The following TMBIM4 variants were observed in gnomAD, a reference collection of about 807,000 sequenced individuals.
The protein encoded by TMBIM4 is protein lifeguard 4.
A neutral mutation model predicts 27.7 loss-of-function variants in TMBIM4; 28 were observed. The ratio of observed to expected loss-of-function variants is 1.01; its 90% CI spans 0.75 to 1.38. TMBIM4 has a LOEUF of 1.38. TMBIM4 is among the 40% of genes most tolerant of loss of function. The probability of loss-of-function intolerance (pLI) is 0.00; values close to 1 mark genes in which losing one functional copy is unlikely to be tolerated. For synonymous variants in TMBIM4, 115 were observed against 113.1 expected (o/e 1.02, Z -0.11); for missense variants, 265 against 277.5 (o/e 0.95, Z 0.32).
intron 1 of TMBIM4, chr12:66,160,242 G>C: frequency 1.4e-6 from 1 of 703,258 alleles, no homozygotes; most frequent in Non-Finnish European, 2.6e-6. Context: ...GATATTCAGT[G>C]TGGCTGAGGG....
intron 1 of TMBIM4, among the ~76,000 whole-genome samples, chr12:66,160,729 C>T (rs2052020901): frequency 6.6e-6 from 1 of 152,242 alleles, no homozygotes; most frequent in Non-Finnish European, 1.5e-5. Context: ...ACACACAAGG[C>T]TGTCACCTCA....
intron 1 of TMBIM4, among the ~76,000 whole-genome samples, chr12:66,153,863 CA>C (rs1386039493): frequency 6.6e-6 from 1 of 151,982 alleles, no homozygotes; most frequent in African/African-American, 2.4e-5. Flanking sequence ...GTCTTAATTT[CA>C]AAAATAGTAA....
intron 4 of TMBIM4, 48 bp from the exon 5 acceptor site, chr12:66,146,006 C>A: frequency 1.0e-6 from 1 of 1,001,090 alleles, no homozygotes. Flanking sequence ...ATGCTCAATA[C>A]AAAACAGCTT....
chr12:66,160,349 T>A, intron 1 of TMBIM4: 4 of 594,824 alleles, frequency 6.7e-6, no homozygotes, highest in Non-Finnish European at 1.2e-5. Context: ...CTCTTTTGAC[T>A]CTATCATTTC....
intron 3 of TMBIM4, among the ~76,000 whole-genome samples, chr12:66,149,473 G>GAA (rs2051808823): frequency 7.0e-6 from 1 of 142,244 alleles, no homozygotes; most frequent in African/African-American, 2.6e-5. Flanking sequence ...AAGAAAGAAA[G>GAA]AAATTTTTTT....
At chr12:66,167,892 T>C (rs1449977586) in intron 1 of TMBIM4, among the ~76,000 whole-genome samples, 1 of 152,160 alleles carries the variant, frequency 6.6e-6, no homozygotes, top group East Asian at 1.9e-4. Context: ...CAAAATTTGG[T>C]ATATACATAC....
chr12:66,159,563 T>A (rs191209174), intron 1 of TMBIM4, among the ~76,000 whole-genome samples: 127 of 152,308 alleles, frequency 8.3e-4, no homozygotes, highest in Non-Finnish European at 1.2e-3. Flanking sequence ...AAACTGTGTA[T>A]AATAAATACT....
chr12:66,150,508 G>A (rs771286849), intron 3 of TMBIM4, among the ~76,000 whole-genome samples: 6 of 148,872 alleles, frequency 4.0e-5, no homozygotes, highest in Non-Finnish European at 7.4e-5. Flanking sequence ...TCCACCTCCC[G>A]GTTTAAGTGA....
Position 66,135,960 on chromosome 12 carries a change from A to C in TMBIM4, c.*2000T>G, listed in dbSNP as rs868466881. On this transcript the variant is annotated 3_prime_UTR_variant, in exon 7 of 7. Transcript: ENST00000358230. Reference sequence around the variant, plus strand: ...AGGGTCCTCTGCCTAGGAAAACCAGAGACCTTTGTTCACTTGTTTATCTGC... The same window carrying C: ...AGGGTCCTCTGCCTAGGAAAACCAGCGACCTTTGTTCACTTGTTTATCTGC... The C allele has an allele frequency of 5.6e-5, 4 of 71,642 alleles. 1 individual carries two copies. The highest frequency in any genetic ancestry group is 8.1e-5 in the African/African-American group (1 of 12,362). 4.4% of individuals were successfully genotyped at this position (71,642 alleles called of 1,614,324 possible).
Position 66,153,377 on chromosome 12 carries a change from A to G in TMBIM4, c.169T>C (p.Leu57=). 1 of 1,599,660 alleles carries G rather than the reference A, an allele frequency of 6.3e-7. No homozygotes were observed. Among genetic ancestry groups the G allele is most frequent in the Non-Finnish European group, 8.5e-7 (1 of 1,174,236 alleles). ...AATGTCCGTACAGACTCAAAGTATA[A>G]AAAAACTGTTGAAGTCACTGTAGTT... ...LLTTVTSTVF[L]YFESVRTFVH... Residue 57 remains leucine (L), a synonymous_variant, in exon 2 of 7, where the codon TTA becomes CTA. Coordinates refer to ENST00000358230, the MANE Select transcript of TMBIM4 (RefSeq NM_016056.4).
intron 1 of TMBIM4, among the ~76,000 whole-genome samples, chr12:66,158,856 T>G (rs2051990563): frequency 6.6e-6 from 1 of 152,204 alleles, no homozygotes; most frequent in Non-Finnish European, 1.5e-5. Context: ...CCACTGGATG[T>G]TGACTATGGC....
rs1387268313 is a variant in TMBIM4, at chr12:66,137,837, A to T, written c.*123T>A. The T allele has an allele frequency of 7.2e-6, 5 of 695,074 alleles. No individual in the cohort carries two copies. The highest frequency in any genetic ancestry group is 1.9e-5 in the South Asian group (1 of 52,176). 43.1% of individuals were successfully genotyped at this position (695,074 alleles called of 1,614,324 possible). On this transcript the variant is annotated 3_prime_UTR_variant, in exon 7 of 7. Transcript: ENST00000358230. ...ACAAATAAAGATTGTAACAGTATTT[A>T]ATCATTGTTTCAAACTTTATTACTT...
intron 6 of TMBIM4, 78 bp downstream of exon 6, chr12:66,138,646 C>T: frequency 9.4e-7 from 1 of 1,063,072 alleles, no homozygotes; most frequent in African/African-American, 1.7e-5. Flanking sequence ...ATAAGAGTAT[C>T]TCTTATAGCT....
chr12:66,169,922 G>A lies in TMBIM4; in HGVS notation c.30C>T (p.Arg10=). The stretch of plus-strand genomic sequence containing the variant: ...AGTTGAAGTCGTCCTCGATCGAGGA[G>A]CGAGGGTACCGGGGGTCGGGGTCAG... The part of the protein sequence containing the change: MADPDPRYP[R]SSIEDDFNYG... The change falls in exon 1 of 7, where the codon CGC becomes CGT. Residue 10 remains arginine, a synonymous_variant. Coordinates refer to ENST00000358230, the MANE Select transcript of TMBIM4 (RefSeq NM_016056.4). 1 of 1,496,468 alleles carries A rather than the reference G, an allele frequency of 6.7e-7. No homozygotes were observed. Among genetic ancestry groups the A allele is most frequent in the Non-Finnish European group, 8.9e-7 (1 of 1,124,754 alleles). The allele number at this position is 1,496,468 out of a possible 1,614,324, so 92.7% of individuals were successfully genotyped here.
intron 1 of TMBIM4, among the ~76,000 whole-genome samples, chr12:66,168,328 T>A (rs948864674): frequency 2.6e-5 from 4 of 151,934 alleles, no homozygotes; most frequent in African/African-American, 9.7e-5. Context: ...ACTGATTGTA[T>A]CTAGAGTAGC....
intron 5 of TMBIM4, among the ~76,000 whole-genome samples, chr12:66,143,104 G>A (rs372044235): frequency 1.7e-4 from 26 of 152,258 alleles, no homozygotes; most frequent in African/African-American, 6.0e-4. Context: ...AGACTTGTCA[G>A]TTTATGACAG....
intron 4 of TMBIM4, 29 bp downstream of exon 4, chr12:66,147,879 T>C: frequency 1.9e-6 from 3 of 1,595,566 alleles, no homozygotes; most frequent in African/African-American, 1.3e-5. Context: ...AAAGTTATTA[T>C]AACATATAGA....
rs1055962183 is a variant in TMBIM4, at chr12:66,138,988, T to C, written c.465-219A>G. On this transcript the variant is annotated intron_variant, in intron 5 of 6. Coordinates refer to ENST00000358230, the MANE Select transcript of TMBIM4 (RefSeq NM_016056.4). The stretch of plus-strand genomic sequence containing the variant: ...GCTATTTATTCAACATTTGTCTTTA[T>C]GGTATACAAACCTAGTTAACAGTAT... 7.0e-6 allele frequency: 4 copies of C among 571,422 alleles called. No individual in the cohort carries two copies. The Admixed American group carries it at 1.4e-4, about 19-fold the overall frequency. The allele number at this position is 571,422 out of a possible 1,614,324, so 35.4% of individuals were successfully genotyped here.
intron 5 of TMBIM4, chr12:66,139,785 A>G: frequency 2.2e-6 from 1 of 455,932 alleles, no homozygotes; most frequent in Non-Finnish European, 4.4e-6. Context: ...TGGAGAAAGA[A>G]CCACAATAGA....
Sources: gnomAD v4.1 joint callset for allele counts (sites outside exome capture counted in the v4.1 genomes callset) on GRCh38, gnomAD v4.1.1 for gene constraint, MANE v1.5 for transcripts, NCBI Gene and HGNC (gene_info 2026-07-23, HGNC 2026-07-21) for gene names.